SLC35F1: variants seen among roughly 807,000 people sequenced by gnomAD.
SLC35F1 encodes the protein solute carrier family 35 member F1, also known as chromosome 6 open reading frame 169.
In SLC35F1, 14 loss-of-function variants were observed where a neutral mutation model predicts 48.7. The observed-to-expected ratio is 0.29, with a 90% CI of 0.19 to 0.45. The LOEUF (loss-of-function observed/expected upper bound fraction) is 0.45. Among genes scored for constraint, SLC35F1 ranks in the 20% least tolerant of loss-of-function variants. The probability of loss-of-function intolerance (pLI) is 1.00; values close to 1 mark genes in which losing one functional copy is unlikely to be tolerated. For missense variants in SLC35F1, 404 were observed against 500.0 expected, an observed-to-expected ratio of 0.81 and a Z score of 1.83; for synonymous variants, 190 against 202.2, an observed-to-expected ratio of 0.94 and a Z score of 0.51.
chr6:118,009,684 T>G (rs1777220244), intron 1 of SLC35F1, among the ~76,000 whole-genome samples: 1 of 152,172 alleles, frequency 6.6e-6, no homozygotes. Context: ...TCTATTCTTT[T>G]GTCTTGTGTT....
chr6:117,986,314 TC>T (rs2114854052), intron 1 of SLC35F1, among the ~76,000 whole-genome samples: 1 of 152,250 alleles, frequency 6.6e-6, no homozygotes, highest in East Asian at 1.9e-4. Context: ...AGGATAATTT[TC>T]AGGAAAAATA....
At chr6:118,027,045 A>G (rs1771963641) in intron 1 of SLC35F1, among the ~76,000 whole-genome samples, 1 of 152,176 alleles carries the variant, frequency 6.6e-6, no homozygotes, top group South Asian at 2.1e-4. Flanking sequence ...AATGTCATAA[A>G]TGGATGATAA....
chr6:118,188,152 G>A (rs1774684953), intron 2 of SLC35F1, among the ~76,000 whole-genome samples: 1 of 152,166 alleles, frequency 6.6e-6, no homozygotes, highest in Non-Finnish European at 1.5e-5. Flanking sequence ...CTTTTTCCTG[G>A]TAGTGGCACT....
intron 1 of SLC35F1, among the ~76,000 whole-genome samples, chr6:117,942,372 G>C (rs919623968): frequency 1.3e-5 from 2 of 152,106 alleles, no homozygotes; most frequent in African/African-American, 4.8e-5. Flanking sequence ...ACATCACTTC[G>C]TTATAGAATG....
chr6:117,995,709 C>T (rs1033068947), intron 1 of SLC35F1, among the ~76,000 whole-genome samples: 1 of 151,802 alleles, frequency 6.6e-6, no homozygotes, highest in Non-Finnish European at 1.5e-5. Flanking sequence ...CCACTGCACT[C>T]CAGCCTGGGT....
intron 1 of SLC35F1, among the ~76,000 whole-genome samples, chr6:117,969,810 G>A (rs944001147): frequency 6.6e-6 from 1 of 152,134 alleles, no homozygotes; most frequent in African/African-American, 2.4e-5. Flanking sequence ...CATAGCTATT[G>A]TTAATATTTT....
intron 2 of SLC35F1, among the ~76,000 whole-genome samples, chr6:118,218,195 G>A (rs1253687126): frequency 6.6e-6 from 1 of 152,150 alleles, no homozygotes; most frequent in African/African-American, 2.4e-5. Flanking sequence ...TCTAGGTATG[G>A]TGTGCCCAGA....
chr6:118,142,247 T>C (rs1773901335), intron 1 of SLC35F1, among the ~76,000 whole-genome samples: 1 of 152,118 alleles, frequency 6.6e-6, no homozygotes, highest in Non-Finnish European at 1.5e-5. Context: ...CCCTCATCAT[T>C]GTCTTTTTTA....
At chr6:118,221,290 G>C (rs959877459) in intron 2 of SLC35F1, among the ~76,000 whole-genome samples, 1 of 152,112 alleles carries the variant, frequency 6.6e-6, no homozygotes, top group African/African-American at 2.4e-5. Flanking sequence ...AACAAGGGCA[G>C]GGAACAACTT....
intron 2 of SLC35F1, among the ~76,000 whole-genome samples, chr6:118,219,080 A>G (rs1775112640): frequency 6.6e-6 from 1 of 152,192 alleles, no homozygotes; most frequent in Non-Finnish European, 1.5e-5. Flanking sequence ...AGGTTTTGTC[A>G]TTGGCAGTGC....
intron 2 of SLC35F1, among the ~76,000 whole-genome samples, chr6:118,222,730 C>A (rs947711914): frequency 2.0e-5 from 3 of 152,114 alleles, no homozygotes; most frequent in Non-Finnish European, 4.4e-5. Context: ...TTTTAAAATT[C>A]ATTACTAATT....
At chr6:118,178,576 C>T (rs1315066356) in intron 2 of SLC35F1, among the ~76,000 whole-genome samples, 1 of 151,996 alleles carries the variant, frequency 6.6e-6, no homozygotes, top group Non-Finnish European at 1.5e-5. Context: ...TATGTATTAG[C>T]CCAGGTGCCT....
intron 1 of SLC35F1, among the ~76,000 whole-genome samples, chr6:118,091,197 A>G (rs1345020936): frequency 1.3e-5 from 2 of 152,218 alleles, no homozygotes; most frequent in Non-Finnish European, 2.9e-5. Context: ...GATTCCTGTT[A>G]GATATCTCAG....
chr6:118,142,550 G>A (rs191651943), intron 1 of SLC35F1, among the ~76,000 whole-genome samples: 1 of 131,474 alleles, frequency 7.6e-6, no homozygotes, highest in African/African-American at 2.6e-5. Context: ...GGCAGTAACA[G>A]AATTATATTT....
At chr6:118,210,078 C>A (rs985519912) in intron 2 of SLC35F1, among the ~76,000 whole-genome samples, 2 of 152,094 alleles carry the variant, frequency 1.3e-5, no homozygotes, top group African/African-American at 4.8e-5. Flanking sequence ...TTGGAGCAAG[C>A]AAAAGAACAA....
chr6:118,300,038 A>G (rs1343531553), intron 7 of SLC35F1, among the ~76,000 whole-genome samples: 4 of 152,224 alleles, frequency 2.6e-5, no homozygotes, highest in African/African-American at 4.8e-5. Flanking sequence ...TGCTGTTATT[A>G]AGGCTAGTAG....
chr6:117,927,723 A>G (rs928445365), intron 1 of SLC35F1, among the ~76,000 whole-genome samples: 4 of 152,182 alleles, frequency 2.6e-5, no homozygotes, highest in Non-Finnish European at 5.9e-5. Context: ...TGTTGAATGA[A>G]TGAATGAAAG....
At chr6:118,306,129 C>T (rs965368418) in intron 7 of SLC35F1, among the ~76,000 whole-genome samples, 7 of 152,212 alleles carry the variant, frequency 4.6e-5, no homozygotes, top group African/African-American at 1.7e-4. Flanking sequence ...GAACTAAACT[C>T]CCTTCTTTGC....
intron 1 of SLC35F1, among the ~76,000 whole-genome samples, chr6:118,107,023 A>T (rs1351413825): frequency 1.3e-5 from 2 of 152,328 alleles, no homozygotes; most frequent in East Asian, 1.9e-4. Context: ...CATCAATAGA[A>T]ACTAATGTTA....
Sources: allele counts gnomAD v4.1 joint callset (sites outside exome capture counted in the v4.1 genomes callset), GRCh38; gene constraint gnomAD v4.1.1; transcripts MANE v1.5; gene names NCBI Gene and HGNC (gene_info 2026-07-23, HGNC 2026-07-21).